The following C10orf67 variants were observed in gnomAD, a reference collection of about 807,000 sequenced individuals.
C10orf67 encodes chromosome 10 open reading frame 67, also known as uncharacterized protein C10orf67, mitochondrial.
A neutral mutation model predicts 35.6 loss-of-function variants in C10orf67; 60 were observed. The observed-to-expected ratio is 1.68, with a 90% CI of 1.37 to 2.09. The LOEUF is 2.09. Among genes scored for constraint, C10orf67 ranks in the 30% most tolerant of loss-of-function variants. C10orf67 has a pLI of 0.00. For synonymous variants in C10orf67, 167 were observed against 115.8 expected (o/e 1.44, Z -2.84); for missense variants, 474 against 330.2 (o/e 1.44, Z -3.38).
intron 15 of C10orf67, among the ~76,000 whole-genome samples, chr10:23,205,543 C>G (rs1841135036): frequency 6.6e-6 from 1 of 152,116 alleles, no homozygotes; most frequent in Non-Finnish European, 1.5e-5. Flanking sequence ...CAAAGAAGTT[C>G]TGGTAGTACA....
At chr10:23,343,339 C>T (rs1210572757) in intron 1 of C10orf67, among the ~76,000 whole-genome samples, 2 of 152,196 alleles carry the variant, frequency 1.3e-5, no homozygotes, top group East Asian at 1.9e-4. Context: ...GGAAAACTCC[C>T]TTGCCCGTTG....
chr10:23,255,914 T>A (rs1842588058), intron 10 of C10orf67, among the ~76,000 whole-genome samples: 1 of 152,222 alleles, frequency 6.6e-6, no homozygotes, highest in Non-Finnish European at 1.5e-5. Flanking sequence ...TTTTCAGTGA[T>A]CATCTTTGGG....
intron 15 of C10orf67, 104 bp from the exon 16 acceptor site, chr10:23,204,359 G>A: frequency 2.3e-6 from 1 of 434,044 alleles, no homozygotes; most frequent in Non-Finnish European, 4.2e-6. Context: ...TTTTTTTAGT[G>A]GGTCTTCCCA....
At chr10:23,286,608 AGGAG>A (rs1471165529) in intron 7 of C10orf67, among the ~76,000 whole-genome samples, 21 of 82,134 alleles carry the variant, frequency 2.6e-4, no homozygotes, top group South Asian at 5.3e-4. Context: ...GAGGAAGGAA[AGGAG>A]GGAGGGAGGG....
chr10:23,244,378 G>T (rs12247263), intron 12 of C10orf67, among the ~76,000 whole-genome samples: 5,096 of 152,194 alleles, frequency 0.033, 260 homozygotes, highest in African/African-American at 0.12. Context: ...AAATCAATGA[G>T]TTAGGCTTCC....
At chr10:23,237,841 T>A (rs1842088295) in intron 13 of C10orf67, among the ~76,000 whole-genome samples, 1 of 152,220 alleles carries the variant, frequency 6.6e-6, no homozygotes, top group East Asian at 1.9e-4. Context: ...ATGGAAATGC[T>A]CAATGCCTTG....
intron 7 of C10orf67, among the ~76,000 whole-genome samples, 164 bp from the exon 8 acceptor site, chr10:23,282,242 G>A (rs996842480): frequency 7.9e-5 from 12 of 151,886 alleles, no homozygotes; most frequent in Admixed American, 3.9e-4. Context: ...ATATTATTAC[G>A]GAATTATTAT....
intron 2 of C10orf67, among the ~76,000 whole-genome samples, chr10:23,331,235 AAGGGAAGGGAAGGGAAG>A (rs1564519047): frequency 0.028 from 95 of 3,412 alleles, 7 homozygotes; most frequent in East Asian, 0.045. Context: ...GGGAGGAGGG[AAGGGAAGGGAAGGGAAG>A]AGGGAAGGGA....
At chr10:23,339,777 T>C (rs1221454435) in intron 1 of C10orf67, among the ~76,000 whole-genome samples, 1 of 152,250 alleles carries the variant, frequency 6.6e-6, no homozygotes, top group Non-Finnish European at 1.5e-5. Context: ...TTAAAAATCC[T>C]TCTTACTATT....
chr10:23,332,366 C>G (rs150640222), intron 2 of C10orf67, among the ~76,000 whole-genome samples: 1 of 152,092 alleles, frequency 6.6e-6, no homozygotes, highest in Non-Finnish European at 1.5e-5. Context: ...AACGTACATG[C>G]AATACTATGC....
chr10:23,339,216 T>C (rs986902164), intron 1 of C10orf67, among the ~76,000 whole-genome samples: 2 of 152,076 alleles, frequency 1.3e-5, no homozygotes, highest in Non-Finnish European at 2.9e-5. Context: ...CTTATGCTGC[T>C]GAAACAAAGG....
At chr10:23,320,651 G>T in intron 4 of C10orf67, 90 bp downstream of exon 4, 2 of 985,404 alleles carry the variant, frequency 2.0e-6, no homozygotes, top group South Asian at 1.5e-5. Context: ...TGGAAACACA[G>T]ACTGGGAAGC....
rs527326487 is a variant in C10orf67, at chr10:23,237,479, C to CTT, written c.1434+2248_1434+2249dup. Among the ~76,000 whole-genome samples the CTT allele has an allele frequency of 1.8e-4, 27 of 151,450 alleles. No individual in the cohort carries two copies. In the South Asian group the frequency reaches 4.2e-3, roughly 23 times the overall value. ...ATTTGTAAGAGAATGTTTATAGCAG[C>CTT]TTTTTTTTTCATAATAGCCCTAACT... On this transcript the variant is annotated intron_variant, in intron 13 of 15. Coordinates refer to ENST00000636213, the MANE Select transcript of C10orf67 (RefSeq NM_001371909.1).
intron 1 of C10orf67, chr10:23,344,353 G>A (rs1200040908): frequency 1.7e-6 from 1 of 591,164 alleles, no homozygotes; most frequent in Non-Finnish European, 3.0e-6. Context: ...GGGGAGTGGA[G>A]AGGGGGAGGA....
chr10:23,270,480 G>A (rs2132208608), intron 8 of C10orf67, among the ~76,000 whole-genome samples: 1 of 152,342 alleles, frequency 6.6e-6, no homozygotes, highest in South Asian at 2.1e-4. Context: ...TGGAGATCCA[G>A]CAGTTTTACA....
At chr10:23,226,583 T>C (rs4258285) in intron 13 of C10orf67, among the ~76,000 whole-genome samples, 31,922 of 151,588 alleles carry the variant, frequency 0.21, 4,184 homozygotes, top group Non-Finnish European at 0.3. Flanking sequence ...AAGAAATAAC[T>C]AAGATCAGAG....
intron 5 of C10orf67, among the ~76,000 whole-genome samples, chr10:23,298,258 A>C (rs1467669602): frequency 6.6e-6 from 1 of 152,100 alleles, no homozygotes; most frequent in East Asian, 1.9e-4. Context: ...CTGTCTCAAA[A>C]AAACAAACAA....
At position 23,295,664 on chromosome 10, in the gene C10orf67, A is replaced by G. The variant is rs546639408; in HGVS notation, c.703-4385T>C. On this transcript the variant is annotated intron_variant, in intron 5 of 15. Coordinates refer to ENST00000636213, the MANE Select transcript of C10orf67 (RefSeq NM_001371909.1). ...ATCAAAATTGCCTTGCCACATCTAC[A>G]CTGGATGTCTTTGGCCAAGGCAGGA... is the stretch of plus-strand genomic sequence containing the variant. Among the ~76,000 whole-genome samples the G allele has an allele frequency of 2.6e-5, 4 of 152,306 alleles. No homozygotes were observed. The East Asian group carries it at 7.7e-4, about 29-fold the overall frequency.
rs1049343514 is a variant in C10orf67, at chr10:23,223,776, C to T, written c.1477G>A (p.Ala493Thr). ...LLVQSRTTMT[A>T]ISSSSHCTSS... The stretch of plus-strand genomic sequence containing the variant: ...GTACAATGACTTGAAGAGGATATAG[C>T]TGTCATGGTCGTTCTAGACTGCACT... Residue 493 changes from alanine to threonine, a missense_variant, in exon 14 of 16, where the codon GCT (alanine) becomes ACT (threonine). Physicochemically the swap from Ala to Thr is moderately conservative, Grantham distance 58. Transcript: ENST00000636213. The T allele has an allele frequency of 2.8e-6, 2 of 715,320 alleles. No homozygotes were observed. Among genetic ancestry groups the T allele is most frequent in the African/African-American group, 3.5e-5 (2 of 57,142 alleles). 44.3% of individuals were successfully genotyped at this position (715,320 alleles called of 1,614,324 possible).
Sources: gnomAD v4.1 joint callset for allele counts (sites outside exome capture counted in the v4.1 genomes callset) on GRCh38, gnomAD v4.1.1 for gene constraint, MANE v1.5 for transcripts, NCBI Gene and HGNC (gene_info 2026-07-23, HGNC 2026-07-21) for gene names.